CNTNAP2: variants seen among roughly 807,000 people sequenced by gnomAD.
The protein encoded by CNTNAP2 is contactin associated protein 2.
In CNTNAP2, 98 loss-of-function variants were observed where a neutral mutation model predicts 155.2. That is an observed-to-expected ratio of 0.63 (90% CI 0.54 to 0.75). CNTNAP2 has a LOEUF of 0.75. Ranked by LOEUF, CNTNAP2 falls within the 30% of genes least tolerant of loss-of-function variation. The probability of loss-of-function intolerance (pLI) is 0.00; values close to 1 mark genes in which losing one functional copy is unlikely to be tolerated. For synonymous variants in CNTNAP2, 651 were observed against 631.2 expected, an observed-to-expected ratio of 1.03 and a Z score of -0.47; for missense variants, 1,727 against 1,688.1, an observed-to-expected ratio of 1.02 and a Z score of -0.40.
intron 1 of CNTNAP2, among the ~76,000 whole-genome samples, chr7:146,385,206 A>T (rs575077606): frequency 2.0e-5 from 3 of 152,112 alleles, no homozygotes; most frequent in Non-Finnish European, 2.9e-5. Context: ...ACTGATATAA[A>T]TTATTCATAA....
chr7:147,055,228 T>TG (rs1799537727), intron 4 of CNTNAP2, among the ~76,000 whole-genome samples: 1 of 152,188 alleles, frequency 6.6e-6, no homozygotes, highest in Admixed American at 6.5e-5. Context: ...CTTAGCAACT[T>TG]TAGATTTATG....
chr7:147,947,324 A>G lies in CNTNAP2; in HGVS notation c.2256-30538A>G, dbSNP rs963532042. ...TTTTAAAGGGTTTTCCTAGTCAGATAAGGAAATTCCGGTTCTGGTACAGTG... is the reference window on the plus strand; with the variant it reads ...TTTTAAAGGGTTTTCCTAGTCAGATGAGGAAATTCCGGTTCTGGTACAGTG... On this transcript the variant is annotated intron_variant, in intron 14 of 23. Coordinates refer to ENST00000361727, the MANE Select transcript of CNTNAP2 (RefSeq NM_014141.6). Among the ~76,000 whole-genome samples, 3 of 151,920 alleles carry G rather than the reference A, an allele frequency of 2.0e-5. No homozygotes were observed. The South Asian group carries it at 6.2e-4, about 32-fold the overall frequency.
intron 1 of CNTNAP2, among the ~76,000 whole-genome samples, chr7:146,300,635 A>G (rs897192403): frequency 5.9e-5 from 9 of 152,162 alleles, no homozygotes; most frequent in African/African-American, 2.2e-4. Flanking sequence ...TATAGTTTCA[A>G]GTTTTCAAGT....
At chr7:146,612,931 CTTT>C (rs10593929) in intron 1 of CNTNAP2, among the ~76,000 whole-genome samples, 286 of 139,334 alleles carry the variant, frequency 2.1e-3, no homozygotes, top group South Asian at 2.5e-3. Flanking sequence ...TAACATCTGT[CTTT>C]TTTTTTTTTT....
intron 15 of CNTNAP2, among the ~76,000 whole-genome samples, chr7:148,065,853 T>G (rs1803248123): frequency 6.6e-6 from 1 of 152,218 alleles, no homozygotes; most frequent in South Asian, 2.1e-4. Flanking sequence ...CCTTGTTTTT[T>G]GTCACCGTGT....
At chr7:147,015,269 T>C (rs370534815) in intron 3 of CNTNAP2, among the ~76,000 whole-genome samples, 8 of 152,096 alleles carry the variant, frequency 5.3e-5, no homozygotes, top group African/African-American at 1.9e-4. Context: ...CTGGATCTCA[T>C]TGGTAAAATG....
At chr7:146,355,129 A>T (rs1271161532) in intron 1 of CNTNAP2, among the ~76,000 whole-genome samples, 1 of 152,224 alleles carries the variant, frequency 6.6e-6, no homozygotes, top group Admixed American at 6.5e-5. Context: ...TTCCAATTGC[A>T]TACACATCAA....
intron 13 of CNTNAP2, among the ~76,000 whole-genome samples, chr7:147,802,086 C>T (rs1798004741): frequency 1.4e-5 from 2 of 143,098 alleles, no homozygotes. Flanking sequence ...GGAGGGTCTC[C>T]TCACTTCTCA....
At chr7:146,851,627 T>G (rs1055720176) in intron 3 of CNTNAP2, among the ~76,000 whole-genome samples, 15 of 151,592 alleles carry the variant, frequency 9.9e-5, no homozygotes, top group African/African-American at 2.9e-4. Flanking sequence ...CTTCTCCCTG[T>G]GTTGCTTTAT....
chr7:148,104,788 T>C (rs1406390892), intron 15 of CNTNAP2, among the ~76,000 whole-genome samples: 3 of 152,150 alleles, frequency 2.0e-5, no homozygotes, highest in African/African-American at 4.8e-5. Flanking sequence ...ATCAGATATC[T>C]GAGAAGGGAA....
intron 3 of CNTNAP2, among the ~76,000 whole-genome samples, chr7:146,870,916 A>G (rs138413359): frequency 8.7e-4 from 133 of 152,300 alleles, no homozygotes; most frequent in African/African-American, 3.1e-3. Context: ...TTTAGGAAAA[A>G]TGAATGCCAA....
At position 146,586,018 on chromosome 7, in the gene CNTNAP2, C is replaced by CAACAAAACAAAACAA. The variant is rs59673565; in HGVS notation, c.98-188251_98-188237dup. Among the ~76,000 whole-genome samples the CAACAAAACAAAACAA allele has an allele frequency of 1.6e-4, 24 of 151,128 alleles. 1 individual carries two copies. The highest frequency in any genetic ancestry group is 3.4e-4 in the African/African-American group (14 of 41,134). On this transcript the variant is annotated intron_variant, in intron 1 of 23. Transcript: ENST00000361727. ...AGGCCCTGTCTCAAAAAAACAACAA[C>CAACAAAACAAAACAA]AACAAAACAAAACAAACAAAAGAAA... is the stretch of plus-strand genomic sequence containing the variant.
At chr7:146,495,609 T>G (rs1297368429) in intron 1 of CNTNAP2, among the ~76,000 whole-genome samples, 1 of 151,960 alleles carries the variant, frequency 6.6e-6, no homozygotes. Context: ...GCATTAAATT[T>G]ACTTTTGTAT....
intron 8 of CNTNAP2, among the ~76,000 whole-genome samples, chr7:147,231,064 A>C (rs1438264215): frequency 6.6e-6 from 1 of 152,234 alleles, no homozygotes; most frequent in Non-Finnish European, 1.5e-5. Flanking sequence ...AAAAGAGAAG[A>C]GTGAAGCAAG....
At chr7:146,893,888 G>C (rs1469447842) in intron 3 of CNTNAP2, among the ~76,000 whole-genome samples, 2 of 152,180 alleles carry the variant, frequency 1.3e-5, no homozygotes, top group Non-Finnish European at 2.9e-5. Flanking sequence ...TGTCAAAGAT[G>C]ACATCCTGCC....
At chr7:146,482,305 A>C (rs566519212) in intron 1 of CNTNAP2, among the ~76,000 whole-genome samples, 16 of 151,628 alleles carry the variant, frequency 1.1e-4, no homozygotes, top group Admixed American at 7.2e-4. Flanking sequence ...AAGAAAAGGT[A>C]AATTAAGGGC....
rs537877462 is a variant in CNTNAP2, at chr7:147,052,532, A to G, written c.550+8478A>G. Among the ~76,000 whole-genome samples the G allele has an allele frequency of 3.3e-5, 5 of 152,230 alleles. No homozygotes were observed. In the South Asian group the frequency reaches 1.0e-3, roughly 32 times the overall value. ...AAGGGGCCTACAAAATATTGAAATA[A>G]TTACCAAACTAAATATAATAATAGA... On this transcript the variant is annotated intron_variant, in intron 4 of 23. Transcript: ENST00000361727.
intron 2 of CNTNAP2, among the ~76,000 whole-genome samples, chr7:146,808,701 T>G (rs896832850): frequency 6.6e-6 from 1 of 152,158 alleles, no homozygotes; most frequent in Non-Finnish European, 1.5e-5. Flanking sequence ...TTGACCAACA[T>G]CTCCCCACTT....
At chr7:147,737,875 A>G (rs1584929776) in intron 13 of CNTNAP2, among the ~76,000 whole-genome samples, 1 of 152,150 alleles carries the variant, frequency 6.6e-6, no homozygotes, top group African/African-American at 2.4e-5. Context: ...GAAAAGTACA[A>G]TATTAGGGTG....
Sources: gnomAD v4.1 joint callset for allele counts (sites outside exome capture counted in the v4.1 genomes callset) on GRCh38, gnomAD v4.1.1 for gene constraint, MANE v1.5 for transcripts, NCBI Gene and HGNC (gene_info 2026-07-23, HGNC 2026-07-21) for gene names.